The following DOP1A variants were observed in gnomAD, a reference collection of about 807,000 sequenced individuals.
DOP1A encodes DOP1 leucine zipper like protein A, also known as protein DOP1A.
DOP1A carries 90 observed loss-of-function variants against 267.6 expected under a neutral mutation model. The observed-to-expected ratio is 0.34, with a 90% CI of 0.28 to 0.40. The LOEUF (loss-of-function observed/expected upper bound fraction) is 0.40, where lower values mean the gene tolerates loss of function less well. DOP1A is among the 10% of genes least tolerant of loss of function. The pLI is 1.00. For synonymous variants in DOP1A, 932 were observed against 999.1 expected (o/e 0.93, Z 1.27); for missense variants, 2,437 against 2,900.4 (o/e 0.84, Z 3.67).
rs201552763 is a variant in DOP1A, at chr6:83,145,121, T to TTG, written c.5542-401_5542-400dup. Among the ~76,000 whole-genome samples, 263 of 103,454 alleles carry TTG rather than the reference T, an allele frequency of 2.5e-3. 5 individuals are homozygous for TTG. The highest frequency in any genetic ancestry group is 0.02 in the Admixed American group (134 of 6,566). The allele number at this position is 103,454 out of a possible 152,430, so 67.9% of individuals were successfully genotyped here. A position where few individuals can be genotyped will look rare whatever the true frequency, so the allele number is the denominator to read the frequency against. On this transcript the variant is annotated intron_variant, in intron 24 of 38. Coordinates refer to ENST00000349129, the MANE Select transcript of DOP1A (RefSeq NM_015018.4). ...CCATCTCAAAAAATATATACATATA[T>TTG]TGTATATATATATATATATGCAAAT...
chr6:83,068,141 G>GC (rs1355223032), intron 1 of DOP1A, among the ~76,000 whole-genome samples: 1 of 152,228 alleles, frequency 6.6e-6, no homozygotes, highest in Non-Finnish European at 1.5e-5. Context: ...GGCAGAGGTC[G>GC]CACCTGTGCG....
At chr6:83,115,956 A>C (rs1256311449) in intron 7 of DOP1A, among the ~76,000 whole-genome samples, 1 of 152,204 alleles carries the variant, frequency 6.6e-6, no homozygotes, top group African/African-American at 2.4e-5. Flanking sequence ...ATAGATCAGA[A>C]GTTCTCAAAT....
intron 4 of DOP1A, among the ~76,000 whole-genome samples, chr6:83,102,088 A>G (rs1395127917): frequency 6.6e-6 from 1 of 152,174 alleles, no homozygotes; most frequent in Non-Finnish European, 1.5e-5. Flanking sequence ...CTTGCTTGAC[A>G]TCGCCATATA....
At chr6:83,122,287 T>C (rs1298001990) in intron 11 of DOP1A, among the ~76,000 whole-genome samples, 1 of 151,880 alleles carries the variant, frequency 6.6e-6, no homozygotes, top group Non-Finnish European at 1.5e-5. Flanking sequence ...AAATAGGTAA[T>C]AGGCTAAAGG....
Position 83,130,145 on chromosome 6 carries a change from A to G in DOP1A, c.2364A>G (p.Pro788=). The G allele has an allele frequency of 3.1e-6, 5 of 1,614,008 alleles. No homozygotes were observed. The highest frequency in any genetic ancestry group is 4.2e-6 in the Non-Finnish European group (5 of 1,179,914). ...CAGACTGTGAGCATGTGCAGCCTCC[A>G]CAGTGGCTCCAGACTCTGATGAATG... ...LETDCEHVQP[P]QWLQTLMNAC... Residue 788 remains proline, a synonymous_variant, in exon 17 of 39, where the codon CCA becomes CCG. Coordinates refer to ENST00000349129, the MANE Select transcript of DOP1A (RefSeq NM_015018.4).
At chr6:83,124,419 T>C (rs929066881) in intron 12 of DOP1A, among the ~76,000 whole-genome samples, 1 of 152,094 alleles carries the variant, frequency 6.6e-6, no homozygotes, top group Non-Finnish European at 1.5e-5. Flanking sequence ...GGAGGTGATA[T>C]CTATACAGGA....
At chr6:83,086,333 T>C (rs1415552529) in intron 1 of DOP1A, among the ~76,000 whole-genome samples, 2 of 152,208 alleles carry the variant, frequency 1.3e-5, no homozygotes, top group African/African-American at 4.8e-5. Context: ...AAAATATATG[T>C]ACTGTTCATT....
chr6:83,096,962 G>A lies in DOP1A; in HGVS notation c.-16G>A, dbSNP rs1771615557. ...CATGAGTTTGGAACTGGTCTCTAGT[G>A]GGAAGTTGTGGGAGGATGAACACAG... On this transcript the variant is annotated 5_prime_UTR_variant, in exon 3 of 39. Transcript: ENST00000349129. 1.9e-6 allele frequency: 3 copies of A among 1,612,974 alleles called. No individual in the cohort carries two copies. Among genetic ancestry groups the A allele is most frequent in the Non-Finnish European group, 1.7e-6 (2 of 1,179,444 alleles).
chr6:83,080,445 A>G (rs1767889858), intron 1 of DOP1A, among the ~76,000 whole-genome samples: 1 of 152,198 alleles, frequency 6.6e-6, no homozygotes, highest in South Asian at 2.1e-4. Context: ...CCTCATAACT[A>G]ATAACCCTCA....
chr6:83,142,128 G>A, intron 24 of DOP1A, 82 bp downstream of exon 24: 1 of 1,519,580 alleles, frequency 6.6e-7, no homozygotes, highest in Non-Finnish European at 8.9e-7. Context: ...ATATTGCAGT[G>A]GGGCCGGGGT....
Position 83,068,939 on chromosome 6 carries a change from G to A in DOP1A, c.-147+1160G>A, listed in dbSNP as rs552315503. Among the ~76,000 whole-genome samples, 3 of 152,306 alleles carry A rather than the reference G, an allele frequency of 2.0e-5. No individual in the cohort carries two copies. In the South Asian group the frequency reaches 6.2e-4, roughly 32 times the overall value. ...ATCTCCACGTGGGCTTGATTATTAG[G>A]TACCTAGTGCTGAAGGAACTAAAAA... On this transcript the variant is annotated intron_variant, in intron 1 of 38. Transcript: ENST00000349129.
At chr6:83,126,883 C>T (rs1051344410) in intron 15 of DOP1A, among the ~76,000 whole-genome samples, 3 of 151,996 alleles carry the variant, frequency 2.0e-5, no homozygotes, top group South Asian at 2.1e-4. Context: ...TCAGTCTCAC[C>T]GAAAACTTAG....
At chr6:83,091,480 T>C in intron 1 of DOP1A, among the ~76,000 whole-genome samples, 1 of 152,268 alleles carries the variant, frequency 6.6e-6, no homozygotes, top group South Asian at 2.1e-4. Context: ...TTTAGGAATT[T>C]ATTGCCTAAA....
chr6:83,155,404 T>A (rs1782582598), intron 33 of DOP1A, among the ~76,000 whole-genome samples: 1 of 151,970 alleles, frequency 6.6e-6, no homozygotes, highest in Admixed American at 6.6e-5. Context: ...GAGGCTGCAG[T>A]GAGCCATGAT....
chr6:83,108,455 G>A (rs1009493985), intron 4 of DOP1A, among the ~76,000 whole-genome samples: 1 of 152,176 alleles, frequency 6.6e-6, no homozygotes, highest in African/African-American at 2.4e-5. Flanking sequence ...TTGGATTACA[G>A]GCATGAGCCA....
intron 7 of DOP1A, among the ~76,000 whole-genome samples, chr6:83,116,975 A>G (rs1775539408): frequency 6.6e-6 from 1 of 152,174 alleles, no homozygotes; most frequent in Non-Finnish European, 1.5e-5. Flanking sequence ...GGCCTGAATA[A>G]TCATAATTCA....
Position 83,125,567 on chromosome 6 carries a change from C to T in DOP1A, c.1553C>T (p.Thr518Ile). 1 of 1,613,836 alleles carries T rather than the reference C, an allele frequency of 6.2e-7. No individual in the cohort carries two copies. The highest frequency in any genetic ancestry group is 8.5e-7 in the Non-Finnish European group (1 of 1,179,800). Reference protein sequence around the residue: ...QLLLRMISALTSHLQTLHLSE... With the variant: ...QLLLRMISALISHLQTLHLSE... ...CTGCTCAGAATGATTTCTGCCTTGACAAGCCATCTCCAGACATTGCACTTA... is the reference window on the plus strand; with the variant it reads ...CTGCTCAGAATGATTTCTGCCTTGATAAGCCATCTCCAGACATTGCACTTA... The change falls in exon 15 of 39, where the codon ACA becomes ATA. Residue 518 changes from threonine to isoleucine, a missense_variant. Thr to Ile is a moderately conservative substitution (Grantham distance 89). Coordinates refer to ENST00000349129, the MANE Select transcript of DOP1A (RefSeq NM_015018.4).
chr6:83,170,964 C>T (rs1272867640), downstream of DOP1A: 1 of 154,608 alleles, frequency 6.5e-6, no homozygotes, highest in East Asian at 1.9e-4. Context: ...AATTCTCTCC[C>T]TCAGGAAGTA....
intron 1 of DOP1A, among the ~76,000 whole-genome samples, chr6:83,077,769 A>AGG (rs1767363252): frequency 6.6e-6 from 1 of 152,238 alleles, no homozygotes; most frequent in Admixed American, 6.5e-5. Context: ...TTTCTAAATC[A>AGG]GGGGTGTCCA....
Sources: allele counts gnomAD v4.1 joint callset (sites outside exome capture counted in the v4.1 genomes callset), GRCh38; gene constraint gnomAD v4.1.1; transcripts MANE v1.5; gene names NCBI Gene and HGNC (gene_info 2026-07-23, HGNC 2026-07-21).